The following GLI3 variants were observed in gnomAD, a reference collection of about 807,000 sequenced individuals.
The protein encoded by GLI3 is GLI family zinc finger 3.
GLI3 carries 20 observed loss-of-function variants against 100.8 expected under a neutral mutation model. The ratio of observed to expected loss-of-function variants is 0.20; its 90% CI spans 0.14 to 0.29. The LOEUF (loss-of-function observed/expected upper bound fraction) is 0.29. Among genes scored for constraint, GLI3 ranks in the 10% least tolerant of loss-of-function variants. The probability of loss-of-function intolerance (pLI) is 1.00; values close to 1 mark genes in which losing one functional copy is unlikely to be tolerated. For synonymous variants in GLI3, 938 were observed against 860.5 expected (o/e 1.09, Z -1.58); for missense variants, 2,040 against 2,128.5 (o/e 0.96, Z 0.82).
In GLI3 at chr7:41,990,469, C is replaced by T. The variant is rs762482347; in HGVS notation, c.1498-11721G>A. ...GGTGGTCTCTGTCTTCAATGCCCTA[C>T]GAAAGCAACCATACTCCCTCCACAT... On this transcript the variant is annotated intron_variant, in intron 10 of 14. Coordinates refer to ENST00000395925, the MANE Select transcript of GLI3 (RefSeq NM_000168.6). Among the ~76,000 whole-genome samples, 10 of 152,252 alleles carry T rather than the reference C, an allele frequency of 6.6e-5. No individual in the cohort carries two copies. In the East Asian group the frequency reaches 7.7e-4, roughly 12 times the overall value.
At chr7:41,971,416 A>G (rs1167766403) in intron 13 of GLI3, among the ~76,000 whole-genome samples, 2 of 152,196 alleles carry the variant, frequency 1.3e-5, no homozygotes, top group East Asian at 3.8e-4. Flanking sequence ...GATGGGCTGA[A>G]TCTCCTCTAC....
At chr7:42,170,251 C>CAA (rs779153437) in intron 2 of GLI3, among the ~76,000 whole-genome samples, 34 of 104,496 alleles carry the variant, frequency 3.3e-4, no homozygotes, top group African/African-American at 1.3e-3. Context: ...GACTGTGTTT[C>CAA]AAAAAAAAAA....
intron 4 of GLI3, among the ~76,000 whole-genome samples, chr7:42,071,256 T>C (rs1784778879): frequency 6.6e-6 from 1 of 152,064 alleles, no homozygotes; most frequent in South Asian, 2.1e-4. Context: ...TGCTACAGTA[T>C]TTGCTAGACT....
At chr7:42,180,767 G>T (rs1345667426) in intron 2 of GLI3, among the ~76,000 whole-genome samples, 1 of 152,080 alleles carries the variant, frequency 6.6e-6, no homozygotes, top group Non-Finnish European at 1.5e-5. Flanking sequence ...GCTGAGAAAT[G>T]ACATCCAAAA....
chr7:42,241,372 C>T (rs1432968446), upstream of GLI3, among the ~76,000 whole-genome samples: 1 of 152,206 alleles, frequency 6.6e-6, no homozygotes, highest in African/African-American at 2.4e-5. Flanking sequence ...CTCCTGCCCA[C>T]TCTGCTTTCC....
At chr7:42,173,980 A>C (rs1221438567) in intron 2 of GLI3, among the ~76,000 whole-genome samples, 1 of 152,234 alleles carries the variant, frequency 6.6e-6, no homozygotes, top group African/African-American at 2.4e-5. Flanking sequence ...CTACCAAAAT[A>C]TCCTAATTTT....
At position 41,965,804 on chromosome 7, in the gene GLI3, T is replaced by C. The variant is rs142401529; in HGVS notation, c.3269A>G (p.Asp1090Gly). ...CTGCACCACGTCGTCCGGCAGGAAA[T>C]CCTCATCGTTCAGGTTGGCATCAGC... Reference protein sequence around the residue: ...MDADANLNDEDFLPDDVVQYL... With the variant: ...MDADANLNDEGFLPDDVVQYL... Residue 1090 changes from aspartate to glycine, a missense_variant, in exon 15 of 15, where the codon GAT (aspartate) becomes GGT (glycine). Transcript: ENST00000395925. 3.1e-6 allele frequency: 5 copies of C among 1,613,168 alleles called. No homozygotes were observed. The African/African-American group carries it at 6.7e-5, about 22-fold the overall frequency.
chr7:42,007,452 A>G (rs1788489321), intron 10 of GLI3, among the ~76,000 whole-genome samples: 1 of 152,168 alleles, frequency 6.6e-6, no homozygotes, highest in Non-Finnish European at 1.5e-5. Flanking sequence ...TCAGGTTAAG[A>G]GTTAGGGCAC....
intron 1 of GLI3, among the ~76,000 whole-genome samples, chr7:42,253,001 G>A (rs1286790296): frequency 1.3e-5 from 2 of 151,358 alleles, no homozygotes; most frequent in Non-Finnish European, 2.9e-5. Flanking sequence ...CATTGACAAA[G>A]GTGGAAACGA....
chr7:42,232,223 A>T (rs1788708373), intron 1 of GLI3, among the ~76,000 whole-genome samples: 1 of 152,198 alleles, frequency 6.6e-6, no homozygotes, highest in Non-Finnish European at 1.5e-5. Context: ...TGTACAGTGC[A>T]TGCCACAACA....
intron 2 of GLI3, among the ~76,000 whole-genome samples, chr7:42,177,212 T>C (rs1486930421): frequency 1.3e-5 from 2 of 152,022 alleles, no homozygotes; most frequent in African/African-American, 4.8e-5. Context: ...GAGAGGAGTG[T>C]CAGCAAAGGC....
At chr7:42,160,053 A>G (rs1787096387) in intron 2 of GLI3, among the ~76,000 whole-genome samples, 1 of 152,214 alleles carries the variant, frequency 6.6e-6, no homozygotes, top group Admixed American at 6.5e-5. Flanking sequence ...ACATTAAAAT[A>G]TATCAGGTTG....
At chr7:42,113,158 C>A (rs1467303735) in intron 3 of GLI3, among the ~76,000 whole-genome samples, 1 of 152,154 alleles carries the variant, frequency 6.6e-6, no homozygotes, top group Non-Finnish European at 1.5e-5. Flanking sequence ...GCCTGGGCGA[C>A]AGAGCGAGAC....
intron 4 of GLI3, among the ~76,000 whole-genome samples, chr7:42,051,804 C>A (rs1347968134): frequency 1.3e-5 from 2 of 152,104 alleles, no homozygotes; most frequent in Non-Finnish European, 2.9e-5. Flanking sequence ...CATCTTCTAC[C>A]AGAGTGGTGC....
intron 6 of GLI3, among the ~76,000 whole-genome samples, chr7:42,044,349 T>C (rs1422859501): frequency 1.3e-5 from 2 of 152,208 alleles, no homozygotes; most frequent in Non-Finnish European, 2.9e-5. Flanking sequence ...TGCTTTAGGA[T>C]CACTTCAGAG....
chr7:42,045,910 T>C (rs1259945388), intron 5 of GLI3, among the ~76,000 whole-genome samples: 1 of 152,218 alleles, frequency 6.6e-6, no homozygotes, highest in Non-Finnish European at 1.5e-5. Context: ...TAGAAGACTA[T>C]GATATCTTTC....
intron 10 of GLI3, among the ~76,000 whole-genome samples, chr7:42,011,399 TC>T (rs1479847107): frequency 6.6e-6 from 1 of 152,174 alleles, no homozygotes; most frequent in Non-Finnish European, 1.5e-5. Flanking sequence ...GGCCCAGCAA[TC>T]CCACTTCTAG....
chr7:42,005,458 TACACACACAC>T (rs3030321), intron 10 of GLI3, among the ~76,000 whole-genome samples: 44 of 143,622 alleles, frequency 3.1e-4, no homozygotes, highest in East Asian at 2.1e-3. Context: ...TGAATTCACA[TACACACACAC>T]ACACACACAC....
In GLI3 at chr7:42,185,721, G is replaced by T. The variant is rs141862904; in HGVS notation, c.125-37253C>A. On this transcript the variant is annotated intron_variant, in intron 2 of 14. Transcript: ENST00000395925. ...CTTGAACAACCAGTGAGTCTCTCCA[G>T]CCTGCAACTGGTGCTATTAGTATCA... Among the ~76,000 whole-genome samples the T allele has an allele frequency of 6.2e-3, 940 of 152,302 alleles. 5 individuals are homozygous for T. The highest frequency in any genetic ancestry group is 0.011 in the Non-Finnish European group (736 of 68,028).
Sources: allele counts gnomAD v4.1 joint callset (sites outside exome capture counted in the v4.1 genomes callset), GRCh38; gene constraint gnomAD v4.1.1; transcripts MANE v1.5; gene names NCBI Gene and HGNC (gene_info 2026-07-23, HGNC 2026-07-21).